The following ZNF717 variants were observed in gnomAD, a reference collection of about 807,000 sequenced individuals.
The protein encoded by ZNF717 is zinc finger protein 717, also known as krueppel-like factor X17.
Under a neutral mutation model 13.8 loss-of-function variants are expected in ZNF717, and 9 were observed. That is an observed-to-expected ratio of 0.65 (90% CI 0.39 to 1.14). ZNF717 has a LOEUF of 1.14. Ranked by LOEUF, ZNF717 falls within the 50% of genes most tolerant of loss-of-function variation. ZNF717 has a pLI of 0.01. For missense variants in ZNF717, 1,040 were observed against 1,080.7 expected (o/e 0.96, Z 0.53); for synonymous variants, 327 against 364.1 (o/e 0.90, Z 1.16).
intron 6 of ZNF717, among the ~76,000 whole-genome samples, chr3:75,698,639 G>A (rs1937631184): frequency 6.6e-6 from 1 of 152,312 alleles, no homozygotes; most frequent in South Asian, 2.1e-4. Context: ...TGAGACTTGG[G>A]AGTCTCCACC....
At chr3:75,769,856 C>G (rs1472572933) in intron 2 of ZNF717, among the ~76,000 whole-genome samples, 4 of 152,128 alleles carry the variant, frequency 2.6e-5, no homozygotes, top group Admixed American at 2.6e-4. Context: ...TTTAAAGAAT[C>G]TGAAAACATG....
At chr3:75,704,757 C>G (rs1937768087), downstream of ZNF717, among the ~76,000 whole-genome samples, 1 of 152,308 alleles carries the variant, frequency 6.6e-6, no homozygotes, top group African/African-American at 2.4e-5. Flanking sequence ...GGAGGCTGCC[C>G]CAGGAAAGAG....
At chr3:75,718,273 G>C (rs1938097210) in intron 4 of ZNF717, among the ~76,000 whole-genome samples, 1 of 152,166 alleles carries the variant, frequency 6.6e-6, no homozygotes, top group Non-Finnish European at 1.5e-5. Flanking sequence ...ACAACCTTAG[G>C]TAAGAGGGTG....
chr3:75,770,619 C>T (rs1430518893), intron 2 of ZNF717, among the ~76,000 whole-genome samples: 2 of 152,098 alleles, frequency 1.3e-5, no homozygotes, highest in Non-Finnish European at 2.9e-5. Flanking sequence ...GGGCTTGACA[C>T]CAGATGAGCC....
At chr3:75,709,453 T>G (rs78347650), downstream of ZNF717, among the ~76,000 whole-genome samples, 1 of 152,142 alleles carries the variant, frequency 6.6e-6, no homozygotes, top group Non-Finnish European at 1.5e-5. Context: ...CATTTCAACA[T>G]GAGATTTGGA....
At chr3:75,721,971 G>C (rs1411283278) in intron 4 of ZNF717, among the ~76,000 whole-genome samples, 5 of 151,964 alleles carry the variant, frequency 3.3e-5, no homozygotes, top group African/African-American at 1.2e-4. Flanking sequence ...ATATTTGCCG[G>C]GTGCGGTGGC....
chr3:75,771,236 A>C (rs1943847969), intron 2 of ZNF717, among the ~76,000 whole-genome samples: 1 of 151,888 alleles, frequency 6.6e-6, no homozygotes, highest in Non-Finnish European at 1.5e-5. Context: ...TTGTTTCTGG[A>C]CCTCACTGCT....
intron 2 of ZNF717, among the ~76,000 whole-genome samples, chr3:75,743,730 C>T (rs1940764697): frequency 6.6e-6 from 1 of 152,350 alleles, no homozygotes; most frequent in East Asian, 1.9e-4. Flanking sequence ...GGATTTGGTA[C>T]CAATTTGCTG....
chr3:75,729,162 G>C (rs577058165), downstream of ZNF717, among the ~76,000 whole-genome samples: 124 of 152,232 alleles, frequency 8.1e-4, 1 homozygote, highest in Non-Finnish European at 1.2e-3. Flanking sequence ...TGTCAGGTAG[G>C]CAGAGGGGTG....
rs1175044191 is a variant in ZNF717, at chr3:75,730,470, TG to T, written c.*142del. The T allele has an allele frequency of 2.6e-3, 1,377 of 537,892 alleles. 10 individuals carry two copies. The highest frequency in any genetic ancestry group is 0.025 in the African/African-American group (1,277 of 51,178). 33.3% of individuals were successfully genotyped at this position (537,892 alleles called of 1,614,324 possible). On this transcript the variant is annotated 3_prime_UTR_variant, in exon 6 of 6. Transcript: ENST00000477374. ...CACAGCTAGTTTGTTACTGGTGATG[TG>T]AAATTTGGAAAAATAAAAGAACAAT...
downstream of ZNF717, chr3:75,732,248 G>C: frequency 1.6e-6 from 1 of 634,256 alleles, no homozygotes; most frequent in Non-Finnish European, 2.8e-6. Context: ...GATCCTAAAT[G>C]ACCTGCTGGA....
chr3:75,728,215 CAT>C (rs1461327234), downstream of ZNF717, among the ~76,000 whole-genome samples: 42 of 152,374 alleles, frequency 2.8e-4, no homozygotes, highest in African/African-American at 6.5e-4. Flanking sequence ...AGAACATACA[CAT>C]GTCATTAAGC....
chr3:75,732,549 G>T (rs1163266717), downstream of ZNF717, among the ~76,000 whole-genome samples: 2 of 152,132 alleles, frequency 1.3e-5, no homozygotes, highest in African/African-American at 4.8e-5. Context: ...TATGAAACAG[G>T]CCAAATGAAG....
At chr3:75,748,212 A>G (rs368266958) in intron 2 of ZNF717, among the ~76,000 whole-genome samples, 1 of 152,144 alleles carries the variant, frequency 6.6e-6, no homozygotes, top group Non-Finnish European at 1.5e-5. Context: ...TTACCAACCA[A>G]AAAGAGTCCA....
chr3:75,719,678 C>T (rs1310555631), intron 4 of ZNF717, among the ~76,000 whole-genome samples: 5 of 152,056 alleles, frequency 3.3e-5, no homozygotes, highest in Admixed American at 2.0e-4. Context: ...ACATCTTGGC[C>T]AGATGCAGTG....
At chr3:75,774,143 A>G (rs1195443595) in intron 2 of ZNF717, among the ~76,000 whole-genome samples, 3 of 152,142 alleles carry the variant, frequency 2.0e-5, no homozygotes, top group Admixed American at 6.5e-5. Flanking sequence ...TTTTCAGGTA[A>G]TATTAAAAAA....
At chr3:75,747,702 A>T (rs1275928800) in intron 2 of ZNF717, among the ~76,000 whole-genome samples, 2 of 152,124 alleles carry the variant, frequency 1.3e-5, no homozygotes, top group Admixed American at 6.5e-5. Context: ...ATTTTTGTAC[A>T]TTGATTTTGT....
At chr3:75,765,903 G>C (rs1275064795) in intron 2 of ZNF717, among the ~76,000 whole-genome samples, 6 of 152,166 alleles carry the variant, frequency 3.9e-5, no homozygotes, top group Admixed American at 1.3e-4. Flanking sequence ...GAGCTCAGGA[G>C]TTCAAGACCA....
chr3:75,707,476 A>C (rs1937829687), downstream of ZNF717, among the ~76,000 whole-genome samples: 2 of 152,308 alleles, frequency 1.3e-5, no homozygotes, highest in Non-Finnish European at 2.9e-5. Context: ...GGGTGGAGCC[A>C]AGATGGCTGA....
Sources: gnomAD v4.1 joint callset for allele counts (sites outside exome capture counted in the v4.1 genomes callset) on GRCh38, gnomAD v4.1.1 for gene constraint, MANE v1.5 for transcripts, NCBI Gene and HGNC (gene_info 2026-07-23, HGNC 2026-07-21) for gene names.